The following SMAP2 variants were observed in gnomAD, a reference collection of about 807,000 sequenced individuals.
The protein encoded by SMAP2 is stromal membrane-associated protein 2.
In SMAP2, 25 loss-of-function variants were observed where a neutral mutation model predicts 56.4. The ratio of observed to expected loss-of-function variants is 0.44; its 90% CI spans 0.32 to 0.62. SMAP2 has a LOEUF of 0.62. SMAP2 is among the 20% of genes least tolerant of loss of function. The pLI is 0.04. For missense variants in SMAP2, 388 were observed against 545.6 expected (o/e 0.71, Z 2.88); for synonymous variants, 157 against 181.7 (o/e 0.86, Z 1.09).
upstream of SMAP2, among the ~76,000 whole-genome samples, chr1:40,372,929 A>G (rs1055721073): frequency 1.3e-5 from 2 of 152,240 alleles, no homozygotes; most frequent in African/African-American, 4.8e-5. Flanking sequence ...TGGCAGGTGG[A>G]TCCCTAAGGA....
intron 1 of SMAP2, among the ~76,000 whole-genome samples, chr1:40,345,542 G>C (rs1644382080): frequency 6.6e-6 from 1 of 151,846 alleles, no homozygotes; most frequent in Non-Finnish European, 1.5e-5. Flanking sequence ...GCCCAGGCTG[G>C]TTTTGAACTC....
At chr1:40,352,826 C>T (rs34402125) in intron 1 of SMAP2, among the ~76,000 whole-genome samples, 10,142 of 152,216 alleles carry the variant, frequency 0.067, 345 homozygotes, top group East Asian at 0.11. Context: ...CCACACGCGG[C>T]GCCTCCTCCT....
At position 40,406,304 on chromosome 1, in the gene SMAP2, A is replaced by C. The variant is rs939858552; in HGVS notation, c.104-432A>C. ...ACACTCATATTAGCAGACACTGTAA[A>C]AAAATTGTACCATGCACAAATGCCC... On this transcript the variant is annotated intron_variant, in intron 1 of 9. Coordinates refer to ENST00000372718, the MANE Select transcript of SMAP2 (RefSeq NM_022733.3). Among the ~76,000 whole-genome samples the C allele has an allele frequency of 3.9e-5, 6 of 152,336 alleles. No individual in the cohort carries two copies. In the Middle Eastern group the frequency reaches 0.01, roughly 259 times the overall value.
At chr1:40,389,832 T>C (rs1037751008) in intron 1 of SMAP2, among the ~76,000 whole-genome samples, 1 of 152,180 alleles carries the variant, frequency 6.6e-6, no homozygotes, top group African/African-American at 2.4e-5. Flanking sequence ...TTTTAGAAAC[T>C]CCTTGTGCCC....
At position 40,392,447 on chromosome 1, in the gene SMAP2, C is replaced by A. The variant is rs185110523; in HGVS notation, c.104-14289C>A. 6.5e-3 allele frequency among the ~76,000 whole-genome samples: 992 copies of A among 152,270 alleles called. 2 individuals carry two copies. The highest frequency in any genetic ancestry group is 0.011 in the Non-Finnish European group (719 of 68,010). ...TAATTACCCACATGGAGTCTTCAAG[C>A]CAAACAATTGTTTGTACTGAGATAG... On this transcript the variant is annotated intron_variant, in intron 1 of 9. Coordinates refer to ENST00000372718, the MANE Select transcript of SMAP2 (RefSeq NM_022733.3).
intron 1 of SMAP2, among the ~76,000 whole-genome samples, chr1:40,359,818 C>A (rs1644451943): frequency 6.6e-6 from 1 of 152,028 alleles, no homozygotes; most frequent in African/African-American, 2.4e-5. Context: ...AAACTCAACA[C>A]TTTATCCCCC....
At chr1:40,379,462 T>C (rs923515012) in intron 1 of SMAP2, among the ~76,000 whole-genome samples, 1 of 152,164 alleles carries the variant, frequency 6.6e-6, no homozygotes, top group African/African-American at 2.4e-5. Flanking sequence ...AGGAGTGCTT[T>C]GTTCTTTGAA....
At chr1:40,354,126 G>C (rs1350748848) in intron 1 of SMAP2, among the ~76,000 whole-genome samples, 1 of 152,044 alleles carries the variant, frequency 6.6e-6, no homozygotes, top group East Asian at 1.9e-4. Flanking sequence ...GCTACTGTTA[G>C]TTGGGTTTCT....
chr1:40,366,390 C>T (rs1186754697), intron 2 of SMAP2, among the ~76,000 whole-genome samples: 1 of 118,290 alleles, frequency 8.5e-6, no homozygotes, highest in East Asian at 2.6e-4. Context: ...AACTCCAAGA[C>T]ACATAATTGT....
In SMAP2 at chr1:40,408,825, T is replaced by A; in HGVS notation, c.323+87T>A. ...CAAGACTCCAGTCCTGTAATGTGAC[T>A]GGGTCATCTCTATGTGGATTAGTCA... is the stretch of plus-strand genomic sequence containing the variant. On this transcript the variant is annotated intron_variant, in intron 3 of 9. Transcript: ENST00000372718. The surrounding 1 kb of genome is among the most constrained non-coding windows in gnomAD (Gnocchi z 4.3). 2 of 1,037,684 alleles carry A rather than the reference T, an allele frequency of 1.9e-6. No individual in the cohort carries two copies. Among genetic ancestry groups the A allele is most frequent in the East Asian group, 4.8e-5 (2 of 41,820 alleles). 64.3% of individuals were successfully genotyped at this position (1,037,684 alleles called of 1,614,324 possible).
intron 1 of SMAP2, among the ~76,000 whole-genome samples, chr1:40,399,656 C>T (rs568347055): frequency 9.5e-5 from 14 of 147,922 alleles, no homozygotes; most frequent in African/African-American, 3.0e-4. Context: ...GAGCTATGAT[C>T]GCACCACTGC....
In SMAP2 at chr1:40,374,747, C is replaced by G; in HGVS notation, c.103+524C>G. ...CTTCCTGCTATTTGGTTAGCAACTCCTGTCATTTTGCAGCCTTGCTAAGAT... is the reference window on the plus strand; with the variant it reads ...CTTCCTGCTATTTGGTTAGCAACTCGTGTCATTTTGCAGCCTTGCTAAGAT... On this transcript the variant is annotated intron_variant, in intron 1 of 9. Coordinates refer to ENST00000372718, the MANE Select transcript of SMAP2 (RefSeq NM_022733.3). This position sits in a 1 kb window ranked among gnomAD's most constrained non-coding sequence, Gnocchi z 5.9. 6.4e-7 allele frequency: 1 copy of G among 1,550,488 alleles called. No individual in the cohort carries two copies.
chr1:40,419,951 A>C (rs987981564), intron 9 of SMAP2, among the ~76,000 whole-genome samples: 1 of 152,242 alleles, frequency 6.6e-6, no homozygotes, highest in Middle Eastern at 3.4e-3. Context: ...TGGTCTTTGA[A>C]GGTTTTGTGG....
At chr1:40,414,387 C>T in intron 6 of SMAP2, 147 bp downstream of exon 6, 1 of 742,868 alleles carries the variant, frequency 1.3e-6, no homozygotes, top group Non-Finnish European at 2.2e-6. Flanking sequence ...TGTTTTACAT[C>T]TGAGCAGTTG....
chr1:40,344,906 T>G (rs1644379106), exon 1 of SMAP2: 18 of 152,170 alleles, frequency 1.2e-4, no homozygotes, highest in Admixed American at 1.2e-3. Context: ...CTGTCACAAC[T>G]CCAGGTTAGT....
chr1:40,352,619 A>G (rs937183384), intron 1 of SMAP2, among the ~76,000 whole-genome samples: 7 of 151,668 alleles, frequency 4.6e-5, no homozygotes, highest in African/African-American at 1.7e-4. Flanking sequence ...GCTCACTGCA[A>G]CCTTGAACTC....
intron 1 of SMAP2, among the ~76,000 whole-genome samples, chr1:40,401,635 C>T (rs1569891561): frequency 6.6e-6 from 1 of 152,182 alleles, no homozygotes. Context: ...CCCCTCTAAT[C>T]CTGGCAGCTT....
In SMAP2 at chr1:40,350,786, A is replaced by G. The variant is rs147734713; in HGVS notation, c.-83+5876A>G. Among the ~76,000 whole-genome samples the G allele has an allele frequency of 4.1e-4, 63 of 152,350 alleles. 1 individual carries two copies. Among genetic ancestry groups the G allele is most frequent in the African/African-American group, 1.4e-3 (59 of 41,580 alleles). On this transcript the variant is annotated intron_variant, in intron 1 of 6. Transcript: ENST00000435168. ...AATTGGAAGGAACCAAACTGACACCATTAGTGAAGAGGTTTAGTCATGTGA... is the reference window on the plus strand; with the variant it reads ...AATTGGAAGGAACCAAACTGACACCGTTAGTGAAGAGGTTTAGTCATGTGA...
At chr1:40,347,330 A>G (rs1274701014) in intron 1 of SMAP2, among the ~76,000 whole-genome samples, 1 of 149,976 alleles carries the variant, frequency 6.7e-6, no homozygotes, top group Non-Finnish European at 1.5e-5. Context: ...ACCTTAGGTG[A>G]TCTGCCAGCC....
Sources: gnomAD v4.1 joint callset for allele counts (sites outside exome capture counted in the v4.1 genomes callset) on GRCh38, gnomAD v4.1.1 for gene constraint, Gnocchi (gnomAD v3.1) non-coding constraint, MANE v1.5 for transcripts, NCBI Gene and HGNC (gene_info 2026-07-23, HGNC 2026-07-21) for gene names.